The following PKD1L3 variants were observed in gnomAD, a reference collection of about 807,000 sequenced individuals.
PKD1L3 encodes the protein polycystin 1 like 3, transient receptor potential channel interacting, also known as polycystin-1-like protein 3.
In PKD1L3, 239 loss-of-function variants were observed where a neutral mutation model predicts 184.1. The observed-to-expected ratio is 1.30, with a 90% CI of 1.17 to 1.45. PKD1L3 has a LOEUF of 1.45. PKD1L3 is among the 40% of genes most tolerant of loss of function. The pLI is 0.00. For missense variants in PKD1L3, 2,660 were observed against 2,067.2 expected (o/e 1.29, Z -5.56); for synonymous variants, 996 against 778.8 (o/e 1.28, Z -4.64).
At chr16:71,962,752 T>C (rs905364365) in intron 16 of PKD1L3, among the ~76,000 whole-genome samples, 11 of 152,226 alleles carry the variant, frequency 7.2e-5, no homozygotes, top group Non-Finnish European at 1.6e-4. Flanking sequence ...AGTGCAGGGA[T>C]TGCAAACATG....
At position 72,000,201 on chromosome 16, in the gene PKD1L3, C is replaced by T. The variant is rs1439264874; in HGVS notation, c.-223G>A. On this transcript the variant is annotated 5_prime_UTR_variant, in exon 1 of 30. Coordinates refer to ENST00000620267, the MANE Select transcript of PKD1L3 (RefSeq NM_181536.2). ...AACAATGGCCCTTTTTATCTGGGGC[C>T]CCACCATCTGTGTCTACCTACCGAA... Among the ~76,000 whole-genome samples the T allele has an allele frequency of 6.6e-6, 1 of 152,072 alleles. No individual in the cohort carries two copies. The highest frequency in any genetic ancestry group is 3.2e-3 in the Middle Eastern group (1 of 316).
At chr16:71,991,597 T>G (rs146760524) in intron 3 of PKD1L3, among the ~76,000 whole-genome samples, 181 of 152,300 alleles carry the variant, frequency 1.2e-3, no homozygotes, top group Non-Finnish European at 2.0e-3. Context: ...GAAACCATTC[T>G]TTTTCATTTA....
chr16:71,999,779 T>C lies in PKD1L3; in HGVS notation c.200A>G (p.Gln67Arg). The C allele has an allele frequency of 6.4e-7, 1 of 1,551,772 alleles. No homozygotes were observed. Among genetic ancestry groups the C allele is most frequent in the South Asian group, 1.2e-5 (1 of 84,058 alleles). The change falls in exon 1 of 30, where the codon CAA becomes CGA. Residue 67 changes from glutamine (Q) to arginine (R), a missense_variant. Coordinates refer to ENST00000620267, the MANE Select transcript of PKD1L3 (RefSeq NM_181536.2). Reference protein sequence around the residue: ...FLAHIWNKEVQDLIRDYLEEG... With the variant: ...FLAHIWNKEVRDLIRDYLEEG... ...TTCCAGATAGTCCCGGATGAGATCTTGAACTTCCTTGTTCCAAATATGAGC... is the reference window on the plus strand; with the variant it reads ...TTCCAGATAGTCCCGGATGAGATCTCGAACTTCCTTGTTCCAAATATGAGC...
intron 25 of PKD1L3, among the ~76,000 whole-genome samples, chr16:71,936,072 A>C (rs2038164386): frequency 6.6e-6 from 1 of 152,114 alleles, no homozygotes. Context: ...CTGGGATTAC[A>C]GGCGTGAGCC....
chr16:71,981,516 G>A (rs975219360), intron 7 of PKD1L3, among the ~76,000 whole-genome samples: 5 of 144,558 alleles, frequency 3.5e-5, no homozygotes, highest in Non-Finnish European at 6.0e-5. Flanking sequence ...TTTGCTTTAT[G>A]CCAACACTTT....
intron 12 of PKD1L3, among the ~76,000 whole-genome samples, chr16:71,970,818 AAAT>A (rs1404921308): frequency 6.6e-6 from 1 of 152,178 alleles, no homozygotes; most frequent in Non-Finnish European, 1.5e-5. Context: ...CAAAATAAAT[AAAT>A]AATACATAAA....
chr16:71,996,193 C>G (rs1351520553), intron 2 of PKD1L3, among the ~76,000 whole-genome samples: 2 of 149,026 alleles, frequency 1.3e-5, no homozygotes, highest in Admixed American at 1.3e-4. Context: ...CTGATACAGT[C>G]ATGTCAAAAT....
At chr16:71,966,283 T>G (rs2039498946) in intron 15 of PKD1L3, among the ~76,000 whole-genome samples, 1 of 152,126 alleles carries the variant, frequency 6.6e-6, no homozygotes, top group African/African-American at 2.4e-5. Flanking sequence ...CTCTCCTAAT[T>G]CTGGGTGCTG....
At chr16:71,931,579 G>T (rs1251200400) in intron 28 of PKD1L3, among the ~76,000 whole-genome samples, 1 of 147,286 alleles carries the variant, frequency 6.8e-6, no homozygotes, top group African/African-American at 2.5e-5. Flanking sequence ...ATTCTCCTCA[G>T]TCAGTCTCCT....
chr16:71,935,287 A>G (rs1273770797), intron 26 of PKD1L3, 71 bp downstream of exon 26: 32 of 1,433,012 alleles, frequency 2.2e-5, no homozygotes, highest in Non-Finnish European at 2.9e-5. Context: ...AGTTTGAAGA[A>G]TACTTGTGTA....
chr16:71,936,088 G>A (rs2038165276), intron 25 of PKD1L3, among the ~76,000 whole-genome samples: 1 of 151,520 alleles, frequency 6.6e-6, no homozygotes, highest in Non-Finnish European at 1.5e-5. Flanking sequence ...GAGCCACCAT[G>A]CCCAGCAAAA....
In PKD1L3 at chr16:71,990,385, C is replaced by T. The variant is rs937940649; in HGVS notation, c.536-56G>A. On this transcript the variant is annotated intron_variant, in intron 3 of 29. Transcript: ENST00000620267. Reference sequence around the variant, plus strand: ...AGTAAAAGCCTAAGACAGAAATATTCGTTTTACTTGAGGACTTCTTATTCA... The same window carrying T: ...AGTAAAAGCCTAAGACAGAAATATTTGTTTTACTTGAGGACTTCTTATTCA... The T allele has an allele frequency of 1.6e-5, 22 of 1,411,454 alleles. No individual in the cohort carries two copies. In the South Asian group the frequency reaches 2.2e-4, roughly 14 times the overall value. The allele number at this position is 1,411,454 out of a possible 1,614,324, so 87.4% of individuals were successfully genotyped here.
chr16:71,962,338 T>C, intron 16 of PKD1L3, among the ~76,000 whole-genome samples: 1 of 152,180 alleles, frequency 6.6e-6, no homozygotes, highest in East Asian at 1.9e-4. Context: ...AGCAGAGGTA[T>C]ATTCTCCTAG....
At chr16:71,937,699 T>C (rs1288134629) in intron 24 of PKD1L3, among the ~76,000 whole-genome samples, 2 of 152,140 alleles carry the variant, frequency 1.3e-5, no homozygotes, top group South Asian at 4.1e-4. Flanking sequence ...ACAGTTATTA[T>C]AGATGTTACC....
rs1361341142 is a variant in PKD1L3 at position 71,984,085 on chromosome 16, A to G, written c.917T>C (p.Phe306Ser). 3.2e-6 allele frequency: 5 copies of G among 1,552,260 alleles called. No homozygotes were observed. The highest frequency in any genetic ancestry group is 4.4e-6 in the Non-Finnish European group (5 of 1,147,090). Residue 306 changes from phenylalanine (F) to serine (S), a missense_variant, in exon 6 of 30, where the codon TTC becomes TCC. Phe to Ser is a radical substitution (Grantham distance 155). Coordinates refer to ENST00000620267, the MANE Select transcript of PKD1L3 (RefSeq NM_181536.2). Reference protein sequence around the residue: ...ALNKLQEACEFLQKLTALTPR... With the variant: ...ALNKLQEACESLQKLTALTPR... ...GGTTAAGGCTGTTAGTTTCTGGAGG[A>G]ACTCACAAGCTTCCTGTAGTTTGTT...
chr16:71,951,925 T>C (rs2038850010), intron 18 of PKD1L3, among the ~76,000 whole-genome samples, 181 bp from the exon 19 acceptor site: 1 of 152,140 alleles, frequency 6.6e-6, no homozygotes, highest in Admixed American at 6.5e-5. Flanking sequence ...TCATGGTAGC[T>C]GCAATACCAG....
At chr16:71,989,833 G>A (rs1192059631) in intron 4 of PKD1L3, among the ~76,000 whole-genome samples, 3 of 152,160 alleles carry the variant, frequency 2.0e-5, no homozygotes, top group Admixed American at 6.5e-5. Flanking sequence ...CCAGCAGTTT[G>A]GGAGGCTGAG....
chr16:71,950,071 A>G, intron 20 of PKD1L3, 47 bp downstream of exon 20: 1 of 1,549,048 alleles, frequency 6.5e-7, no homozygotes, highest in South Asian at 1.2e-5. Flanking sequence ...GAGATAGAGG[A>G]TGAGGAAGAT....
At chr16:71,929,989 G>GA in intron 29 of PKD1L3, 63 bp downstream of exon 29, 2 of 1,469,620 alleles carry the variant, frequency 1.4e-6, no homozygotes, top group South Asian at 2.6e-5. Flanking sequence ...CATCTTAGGG[G>GA]CAGTTACAGT....
Sources: allele counts gnomAD v4.1 joint callset (sites outside exome capture counted in the v4.1 genomes callset), GRCh38; gene constraint gnomAD v4.1.1; transcripts MANE v1.5; gene names NCBI Gene and HGNC (gene_info 2026-07-23, HGNC 2026-07-21).